Variants in PRKCA observed in about 807,000 individuals in gnomAD.
PRKCA encodes the protein protein kinase C alpha type.
PRKCA carries 27 observed loss-of-function variants against 87.0 expected under a neutral mutation model. The ratio of observed to expected loss-of-function variants is 0.31; its 90% CI spans 0.23 to 0.43. The LOEUF is 0.43. Ranked by LOEUF, PRKCA falls within the 20% of genes least tolerant of loss-of-function variation. The pLI, the probability that PRKCA is intolerant of heterozygous loss-of-function variation, is 1.00. For missense variants in PRKCA, 518 were observed against 852.3 expected (o/e 0.61, Z 4.88); for synonymous variants, 329 against 311.1 (o/e 1.06, Z -0.61).
rs1366736370 is a variant in PRKCA at position 66,810,077 on chromosome 17, C to T, written c.*6040C>T. ...ACCACTTACGCGAGTAGACAGAACTCGGCTTTTCAGAAAATAGGTGTCAAG... is the reference window on the plus strand; with the variant it reads ...ACCACTTACGCGAGTAGACAGAACTTGGCTTTTCAGAAAATAGGTGTCAAG... On this transcript the variant is annotated 3_prime_UTR_variant, in exon 17 of 17. Coordinates refer to ENST00000413366, the MANE Select transcript of PRKCA (RefSeq NM_002737.3). 1 of 152,212 alleles carries T rather than the reference C, an allele frequency of 6.6e-6. No individual in the cohort carries two copies. The allele number at this position is 152,212 out of a possible 1,614,324, so 9.4% of individuals were successfully genotyped here. A position where few individuals can be genotyped will look rare whatever the true frequency, so the allele number is the denominator to read the frequency against.
chr17:66,746,795 C>A (rs538166593), intron 13 of PRKCA, among the ~76,000 whole-genome samples: 22 of 152,278 alleles, frequency 1.4e-4, no homozygotes, highest in African/African-American at 5.3e-4. Flanking sequence ...AGAAAGAATT[C>A]TTCAAGGTCA....
intron 3 of PRKCA, among the ~76,000 whole-genome samples, chr17:66,605,092 A>C (rs945930162): frequency 6.6e-6 from 1 of 152,162 alleles, no homozygotes; most frequent in Non-Finnish European, 1.5e-5. Context: ...TCATGTGTAC[A>C]TGGGGTTTCA....
intron 2 of PRKCA, among the ~76,000 whole-genome samples, chr17:66,438,526 G>A (rs1289264993): frequency 1.3e-5 from 2 of 152,162 alleles, no homozygotes; most frequent in East Asian, 1.9e-4. Flanking sequence ...TTGAGCATTC[G>A]TGGAACATTA....
intron 2 of PRKCA, among the ~76,000 whole-genome samples, chr17:66,457,677 A>G (rs112175120): frequency 0.039 from 5,880 of 152,146 alleles, 152 homozygotes; most frequent in Admixed American, 0.057. Flanking sequence ...TGGTTCTATA[A>G]GGGGCCTTTC....
intron 3 of PRKCA, among the ~76,000 whole-genome samples, chr17:66,514,447 T>A (rs1966896569): frequency 6.6e-6 from 1 of 152,156 alleles, no homozygotes; most frequent in African/African-American, 2.4e-5. Context: ...ATGCTAAGTG[T>A]GTCATCCTGG....
At chr17:66,665,774 G>A (rs932147160) in intron 5 of PRKCA, among the ~76,000 whole-genome samples, 2 of 152,328 alleles carry the variant, frequency 1.3e-5, no homozygotes, top group Non-Finnish European at 1.5e-5. Flanking sequence ...TAGCCTTGCG[G>A]TATGTTAGAT....
At chr17:66,468,842 A>C (rs1428198090) in intron 2 of PRKCA, among the ~76,000 whole-genome samples, 1 of 152,112 alleles carries the variant, frequency 6.6e-6, no homozygotes, top group Non-Finnish European at 1.5e-5. Flanking sequence ...TCCAGAAATT[A>C]CCCATCATTC....
At chr17:66,535,447 A>G (rs1967743968) in intron 3 of PRKCA, among the ~76,000 whole-genome samples, 2 of 152,174 alleles carry the variant, frequency 1.3e-5, no homozygotes, top group Non-Finnish European at 2.9e-5. Context: ...TGTGCAGTGC[A>G]GCTTCTTTAA....
intron 2 of PRKCA, among the ~76,000 whole-genome samples, chr17:66,494,248 TC>T (rs1304990030): frequency 2.0e-5 from 3 of 152,232 alleles, no homozygotes; most frequent in African/African-American, 7.2e-5. Context: ...ACTCTAACCT[TC>T]CTTGTGCAGA....
chr17:66,511,121 T>C (rs1444678777), intron 3 of PRKCA, among the ~76,000 whole-genome samples: 4 of 152,176 alleles, frequency 2.6e-5, no homozygotes, highest in Non-Finnish European at 5.9e-5. Context: ...AGTACGCCTA[T>C]TGCTAGCTTT....
At chr17:66,341,160 TC>T (rs1423878587) in intron 2 of PRKCA, among the ~76,000 whole-genome samples, 4 of 152,118 alleles carry the variant, frequency 2.6e-5, no homozygotes, top group Non-Finnish European at 5.9e-5. Context: ...GTCGCAGACT[TC>T]CGTGTCTAGA....
chr17:66,435,072 T>C (rs1008743127), intron 2 of PRKCA, among the ~76,000 whole-genome samples: 5 of 152,218 alleles, frequency 3.3e-5, no homozygotes, highest in Non-Finnish European at 7.3e-5. Flanking sequence ...TAACCTTTGA[T>C]GTATGAATGA....
chr17:66,781,676 G>T (rs999401805), intron 14 of PRKCA, among the ~76,000 whole-genome samples: 3 of 152,036 alleles, frequency 2.0e-5, no homozygotes, highest in South Asian at 4.1e-4. Context: ...TTGAATGGTG[G>T]CTGTCAGGGG....
intron 2 of PRKCA, among the ~76,000 whole-genome samples, chr17:66,430,904 A>G (rs1913067519): frequency 6.6e-6 from 1 of 152,120 alleles, no homozygotes; most frequent in Non-Finnish European, 1.5e-5. Flanking sequence ...TTTACCTTCC[A>G]TGCAGAGAGG....
At chr17:66,649,531 C>G (rs1287169837) in intron 5 of PRKCA, among the ~76,000 whole-genome samples, 1 of 152,176 alleles carries the variant, frequency 6.6e-6, no homozygotes, top group Non-Finnish European at 1.5e-5. Context: ...GGAAATGGCT[C>G]CAAGTTACAA....
chr17:66,786,786 T>C (rs1975406335), intron 14 of PRKCA, 81 bp from the exon 15 acceptor site: 1 of 1,112,982 alleles, frequency 9.0e-7, no homozygotes, highest in South Asian at 1.4e-5. Flanking sequence ...TGTTCCTTGG[T>C]GCTGAATTGG....
intron 3 of PRKCA, among the ~76,000 whole-genome samples, chr17:66,548,643 G>T (rs1376241285): frequency 6.6e-6 from 1 of 152,088 alleles, no homozygotes; most frequent in African/African-American, 2.4e-5. Flanking sequence ...GAAAAAAAGG[G>T]TCTTGAGGTG....
At chr17:66,559,506 A>ATG (rs1567897894) in intron 3 of PRKCA, among the ~76,000 whole-genome samples, 1 of 146,398 alleles carries the variant, frequency 6.8e-6, no homozygotes, top group Non-Finnish European at 1.5e-5. Flanking sequence ...AAAAAAAAAA[A>ATG]GCTCTCCAGT....
chr17:66,349,475 A>G (rs1409271193), intron 2 of PRKCA, among the ~76,000 whole-genome samples: 1 of 152,142 alleles, frequency 6.6e-6, no homozygotes, highest in African/African-American at 2.4e-5. Context: ...GCTGTTCCGC[A>G]GTAGAGGTTT....
Sources: allele counts gnomAD v4.1 joint callset (sites outside exome capture counted in the v4.1 genomes callset), GRCh38; gene constraint gnomAD v4.1.1; transcripts MANE v1.5; gene names NCBI Gene and HGNC (gene_info 2026-07-23, HGNC 2026-07-21).